MTAP: variants seen among roughly 807,000 people sequenced by gnomAD.
MTAP encodes the protein S-methyl-5'-thioadenosine phosphorylase.
In MTAP, 33 loss-of-function variants were observed where a neutral mutation model predicts 33.6. The observed-to-expected ratio is 0.98, with a 90% CI of 0.74 to 1.31. The LOEUF (loss-of-function observed/expected upper bound fraction) is 1.31, where lower values mean the gene tolerates loss of function less well. Among genes scored for constraint, MTAP ranks in the 40% most tolerant of loss-of-function variants. MTAP has a pLI of 0.00. For synonymous variants in MTAP, 148 were observed against 125.7 expected (o/e 1.18, Z -1.19); for missense variants, 367 against 360.0 (o/e 1.02, Z -0.16).
At chr9:21,870,422 T>C (rs1229143340), downstream of MTAP, among the ~76,000 whole-genome samples, 1 of 152,206 alleles carries the variant, frequency 6.6e-6, no homozygotes, top group Non-Finnish European at 1.5e-5. Flanking sequence ...TTAGTAGGCT[T>C]CCAGCCAATA....
intron 1 of MTAP, among the ~76,000 whole-genome samples, chr9:21,884,133 G>C (rs1164860449): frequency 6.6e-6 from 1 of 152,132 alleles, no homozygotes; most frequent in Admixed American, 6.5e-5. Flanking sequence ...AGAAGTACTT[G>C]AGAGAATTCT....
chr9:21,817,897 C>G, intron 3 of MTAP, 138 bp from the exon 4 acceptor site: 1 of 762,956 alleles, frequency 1.3e-6, no homozygotes, highest in Non-Finnish European at 2.0e-6. Context: ...TAGTTGCTCA[C>G]TGGACTGGGT....
At chr9:21,815,684 G>A (rs1030228145) in intron 2 of MTAP, 165 bp downstream of exon 2, 10 of 626,674 alleles carry the variant, frequency 1.6e-5, no homozygotes, top group African/African-American at 1.5e-4. Flanking sequence ...GGTTCCATCA[G>A]CTGAGAAGGT....
rs540150688 is a variant in MTAP at position 21,880,013 on chromosome 9, C to T, written c.147+25143C>T. 2.6e-5 allele frequency among the ~76,000 whole-genome samples: 4 copies of T among 152,110 alleles called. No individual in the cohort carries two copies. The South Asian group carries it at 8.3e-4, about 32-fold the overall frequency. On this transcript the variant is annotated intron_variant, in intron 1 of 1. Coordinates refer to the MTAP transcript ENST00000577563. Reference sequence around the variant, plus strand: ...GGAAAATCTAAGGATTATGTGTCTTCACGATGATCTTTTGTAAAATCTTGC... The same window carrying T: ...GGAAAATCTAAGGATTATGTGTCTTTACGATGATCTTTTGTAAAATCTTGC...
At chr9:21,851,930 T>TC (rs1218914564) in intron 5 of MTAP, among the ~76,000 whole-genome samples, 1 of 152,198 alleles carries the variant, frequency 6.6e-6, no homozygotes, top group African/African-American at 2.4e-5. Flanking sequence ...GGACTGTCTC[T>TC]CCTTGCTCCT....
At chr9:21,915,995 A>T (rs1296037936) in intron 1 of MTAP, among the ~76,000 whole-genome samples, 1 of 148,256 alleles carries the variant, frequency 6.7e-6, no homozygotes, top group Non-Finnish European at 1.5e-5. Context: ...ACACCACAGC[A>T]CTCCAGCCTC....
intron 7 of MTAP, chr9:21,861,264 A>G (rs1825746596): frequency 6.6e-6 from 1 of 152,138 alleles, no homozygotes; most frequent in African/African-American, 2.4e-5. Context: ...TGCATTTTTA[A>G]AGAGGCTTAG....
intron 1 of MTAP, among the ~76,000 whole-genome samples, chr9:21,927,461 T>G (rs1473711348): frequency 6.6e-6 from 1 of 152,192 alleles, no homozygotes; most frequent in African/African-American, 2.4e-5. Flanking sequence ...CAGGTAACAG[T>G]TGAGTGGTGT....
At chr9:21,938,220 G>A (rs940132572), downstream of MTAP, among the ~76,000 whole-genome samples, 1 of 150,516 alleles carries the variant, frequency 6.6e-6, no homozygotes, top group Non-Finnish European at 1.5e-5. Flanking sequence ...GTTGCAGTGA[G>A]CCAAGATCAC....
intron 1 of MTAP, among the ~76,000 whole-genome samples, chr9:21,873,281 AT>A (rs1186117614): frequency 6.6e-6 from 1 of 152,140 alleles, no homozygotes; most frequent in Non-Finnish European, 1.5e-5. Context: ...CTGTGAACTA[AT>A]TTAGATGCCA....
chr9:21,927,749 A>T (rs574730735), intron 1 of MTAP, among the ~76,000 whole-genome samples: 18 of 152,102 alleles, frequency 1.2e-4, no homozygotes, highest in South Asian at 6.2e-4. Flanking sequence ...CACATTGACC[A>T]GGGCCCTAAA....
chr9:21,878,391 G>A (rs1330947619), intron 1 of MTAP, among the ~76,000 whole-genome samples: 2 of 151,988 alleles, frequency 1.3e-5, no homozygotes, highest in Admixed American at 1.3e-4. Flanking sequence ...CTTGTTTTCT[G>A]TTAGCTTTGG....
intron 4 of MTAP, among the ~76,000 whole-genome samples, chr9:21,836,204 CA>C (rs1337898558): frequency 6.6e-6 from 1 of 151,960 alleles, no homozygotes; most frequent in Non-Finnish European, 1.5e-5. Flanking sequence ...AATGAAGAAT[CA>C]AAAAGATATG....
chr9:21,881,030 A>C (rs1318173097), intron 1 of MTAP, among the ~76,000 whole-genome samples: 2 of 152,140 alleles, frequency 1.3e-5, no homozygotes, highest in African/African-American at 2.4e-5. Context: ...TATAGTAATC[A>C]AAACAGTGTG....
chr9:21,885,902 CCTG>C (rs1468343528), intron 1 of MTAP, among the ~76,000 whole-genome samples: 2 of 151,422 alleles, frequency 1.3e-5, no homozygotes, highest in Non-Finnish European at 2.9e-5. Context: ...TGTGAATTGT[CCTG>C]CTATAAACAT....
chr9:21,891,032 A>G (rs1447813456), intron 1 of MTAP, among the ~76,000 whole-genome samples: 2 of 152,162 alleles, frequency 1.3e-5, no homozygotes, highest in Non-Finnish European at 2.9e-5. Context: ...TTGCTGGTCT[A>G]GGAACCGTAG....
chr9:21,826,568 C>T (rs1051492285), intron 4 of MTAP, among the ~76,000 whole-genome samples: 1 of 151,300 alleles, frequency 6.6e-6, no homozygotes, highest in African/African-American at 2.4e-5. Context: ...GTTGTCCCTT[C>T]ATAATGCGAT....
exon 8 of MTAP, chr9:21,936,630 A>C (rs1289198259): frequency 6.6e-6 from 1 of 152,236 alleles, no homozygotes; most frequent in Non-Finnish European, 1.5e-5. Context: ...CTGTACTATG[A>C]GAAAGAATAT....
intron 4 of MTAP, among the ~76,000 whole-genome samples, chr9:21,835,104 T>C (rs1054704566): frequency 2.6e-5 from 4 of 152,172 alleles, no homozygotes; most frequent in African/African-American, 4.8e-5. Flanking sequence ...TTCTCACAGA[T>C]AGCACCTTCT....
Sources: allele counts gnomAD v4.1 joint callset (sites outside exome capture counted in the v4.1 genomes callset), GRCh38; gene constraint gnomAD v4.1.1; transcripts MANE v1.5; gene names NCBI Gene and HGNC (gene_info 2026-07-23, HGNC 2026-07-21).